The following HDX variants were observed in gnomAD, a reference collection of about 807,000 sequenced individuals.
HDX encodes the protein chromosome X open reading frame 43.
HDX carries 19 observed loss-of-function variants against 45.2 expected under a neutral mutation model. The observed-to-expected ratio is 0.42, with a 90% CI of 0.29 to 0.62. The LOEUF is 0.62. Ranked by LOEUF, HDX falls within the 20% of genes least tolerant of loss-of-function variation. The pLI, the probability that HDX is intolerant of heterozygous loss-of-function variation, is 0.20. For synonymous variants in HDX, 188 were observed against 172.8 expected, an observed-to-expected ratio of 1.09 and a Z score of -0.69; for missense variants, 532 against 493.9, an observed-to-expected ratio of 1.08 and a Z score of -0.73.
rs190926691 is a variant in HDX, at chrX:84,429,793, G to A, written c.1305+10739C>T. Among the ~76,000 whole-genome samples, 4 of 110,217 alleles carry A rather than the reference G, an allele frequency of 3.6e-5. No individual in the cohort carries two copies. The Admixed American group carries it at 3.9e-4, about 11-fold the overall frequency. On this transcript the variant is annotated intron_variant, in intron 5 of 10. Coordinates refer to ENST00000373177, the MANE Select transcript of HDX (RefSeq NM_001177479.2). ...TCACTCTTTCACCACTAAGTATAAC[G>A]TTAAGTACATGGTTTTTATACATAC...
At chrX:84,459,679 A>T (rs187914261) in intron 4 of HDX, among the ~76,000 whole-genome samples, 1,485 of 111,142 alleles carry the variant, frequency 0.013, 36 homozygotes, top group African/African-American at 0.047. Flanking sequence ...TATTAGAAAA[A>T]AAAAATAAAA....
At chrX:84,487,826 C>A (rs2040825374) in intron 2 of HDX, among the ~76,000 whole-genome samples, 198 bp downstream of exon 2, 1 of 112,267 alleles carries the variant, frequency 8.9e-6, no homozygotes, top group Non-Finnish European at 1.9e-5. Context: ...CATAGCTCTG[C>A]AACTGGAGCC....
At chrX:84,432,966 A>G (rs2039538697) in intron 5 of HDX, among the ~76,000 whole-genome samples, 1 of 110,688 alleles carries the variant, frequency 9.0e-6, no homozygotes, top group South Asian at 3.8e-4. Flanking sequence ...CCTGTTGGCC[A>G]TTTTTTTGTC....
intron 5 of HDX, among the ~76,000 whole-genome samples, chrX:84,384,430 A>G (rs1046435642): frequency 1.6e-4 from 18 of 109,729 alleles, no homozygotes; most frequent in Admixed American, 5.8e-4. Flanking sequence ...AGGCCTTTGT[A>G]GTATGCACAG....
intron 5 of HDX, among the ~76,000 whole-genome samples, chrX:84,368,596 T>A (rs781698823): frequency 2.1e-4 from 23 of 112,158 alleles, no homozygotes; most frequent in Non-Finnish European, 4.1e-4. Context: ...AAAATATACA[T>A]AACATTTGCC....
chrX:84,490,104 T>A (rs1178671295), intron 1 of HDX, among the ~76,000 whole-genome samples: 2 of 112,127 alleles, frequency 1.8e-5, no homozygotes, highest in Non-Finnish European at 3.8e-5. Flanking sequence ...GTATACTGTT[T>A]AATGTCTGTA....
chrX:84,357,266 A>G (rs1410071149), intron 6 of HDX, among the ~76,000 whole-genome samples: 1 of 111,574 alleles, frequency 9.0e-6, no homozygotes, highest in Non-Finnish European at 1.9e-5. Context: ...TATTTCTCTA[A>G]GATGATGGAA....
intron 4 of HDX, among the ~76,000 whole-genome samples, chrX:84,453,894 A>G (rs1013454112): frequency 1.8e-5 from 2 of 111,697 alleles, no homozygotes; most frequent in African/African-American, 6.5e-5. Context: ...CAGCCACAAT[A>G]AGATAGTATC....
chrX:84,371,689 C>T (rs2037898441), intron 5 of HDX, among the ~76,000 whole-genome samples: 1 of 112,019 alleles, frequency 8.9e-6, no homozygotes, highest in Non-Finnish European at 1.9e-5. Flanking sequence ...GGTCTGATTT[C>T]CTGCCTTGCT....
intron 6 of HDX, among the ~76,000 whole-genome samples, chrX:84,360,595 T>C (rs767996663): frequency 4.4e-4 from 49 of 111,296 alleles, no homozygotes; most frequent in Non-Finnish European, 8.3e-4. Context: ...CCTCAGCTCT[T>C]GGCACCACTA....
intron 2 of HDX, among the ~76,000 whole-genome samples, chrX:84,486,838 T>A (rs986520868): frequency 1.7e-4 from 19 of 111,552 alleles, no homozygotes; most frequent in African/African-American, 5.5e-4. Flanking sequence ...TTTTATATTA[T>A]TTCAAGCTCC....
At chrX:84,409,852 C>A (rs1233000568) in intron 5 of HDX, among the ~76,000 whole-genome samples, 19 of 105,871 alleles carry the variant, frequency 1.8e-4, no homozygotes, top group Admixed American at 3.1e-4. Context: ...TGCACATGTA[C>A]CCTAAAACTT....
chrX:84,367,822 A>G (rs1203507121), intron 5 of HDX, among the ~76,000 whole-genome samples: 2 of 111,449 alleles, frequency 1.8e-5, no homozygotes, highest in Admixed American at 9.5e-5. Context: ...GGACACAGGG[A>G]AGGGAACATC....
At chrX:84,408,744 A>C (rs2038903994) in intron 5 of HDX, among the ~76,000 whole-genome samples, 1 of 109,334 alleles carries the variant, frequency 9.1e-6, no homozygotes, top group Non-Finnish European at 1.9e-5. Context: ...ATCTTTTAGC[A>C]GTGTTTTGTA....
intron 7 of HDX, among the ~76,000 whole-genome samples, chrX:84,342,003 A>G (rs1170378494): frequency 9.0e-6 from 1 of 111,593 alleles, no homozygotes. Context: ...ATTTATCAAT[A>G]CACAGTCTTT....
chrX:84,327,904 A>G (rs1230125487), intron 9 of HDX, among the ~76,000 whole-genome samples: 1 of 110,897 alleles, frequency 9.0e-6, no homozygotes, highest in East Asian at 2.8e-4. Flanking sequence ...GCTCACTGCC[A>G]CCTTGAACTA....
chrX:84,439,047 G>T (rs2039701437), intron 5 of HDX, among the ~76,000 whole-genome samples: 1 of 111,144 alleles, frequency 9.0e-6, no homozygotes, highest in East Asian at 2.9e-4. Context: ...ATCAGTTCTG[G>T]TTTTTTCTTT....
At chrX:84,384,875 C>T (rs1449677202) in intron 5 of HDX, among the ~76,000 whole-genome samples, 1 of 110,625 alleles carries the variant, frequency 9.0e-6, no homozygotes, top group Non-Finnish European at 1.9e-5. Context: ...TATTCTATTT[C>T]ATTGGTCTGT....
chrX:84,335,076 C>T (rs376975301), intron 8 of HDX, among the ~76,000 whole-genome samples: 79 of 111,421 alleles, frequency 7.1e-4, no homozygotes, highest in African/African-American at 2.5e-3. Flanking sequence ...GCTTTTGAGT[C>T]AGGAAAACAG....
Sources: gnomAD v4.1 joint callset for allele counts (sites outside exome capture counted in the v4.1 genomes callset) on GRCh38, gnomAD v4.1.1 for gene constraint, MANE v1.5 for transcripts, NCBI Gene and HGNC (gene_info 2026-07-23, HGNC 2026-07-21) for gene names.